Variants in SMIM22 observed in about 807,000 individuals in gnomAD.
SMIM22 encodes the protein small integral membrane protein 22, also known as cancer associated small integral membrane open reading frame 1.
Under a neutral mutation model 8.4 loss-of-function variants are expected in SMIM22, and 16 were observed. The ratio of observed to expected loss-of-function variants is 1.90; its 90% CI spans 1.29 to 2.89. SMIM22 has a LOEUF of 2.89. SMIM22 is among the 30% of genes most tolerant of loss of function. SMIM22 has a pLI of 0.00. For synonymous variants in SMIM22, 67 were observed against 47.6 expected (o/e 1.41, Z -1.68); for missense variants, 159 against 107.5 (o/e 1.48, Z -2.12).
chr16:4,792,495 T>C (rs1273442178), upstream of SMIM22, among the ~76,000 whole-genome samples: 3 of 143,540 alleles, frequency 2.1e-5, no homozygotes, highest in Admixed American at 6.9e-5. Flanking sequence ...TAGCCTCCCC[T>C]GCACTTTTTA....
chr16:4,790,263 T>A (rs1204749334), intron 2 of SMIM22, among the ~76,000 whole-genome samples: 1 of 152,186 alleles, frequency 6.6e-6, no homozygotes. Flanking sequence ...AGTTCTCTGT[T>A]GCAACTACTA....
upstream of SMIM22, among the ~76,000 whole-genome samples, chr16:4,790,580 C>T (rs114682935): frequency 1.4e-4 from 21 of 152,198 alleles, no homozygotes; most frequent in African/African-American, 4.3e-4. Context: ...ACTTGAGGTC[C>T]GGTTTGAGAC....
At chr16:4,796,160 C>T (rs986743984) in intron 3 of SMIM22, 30 bp from the exon 4 acceptor site, 1 of 1,535,864 alleles carries the variant, frequency 6.5e-7, no homozygotes, top group Non-Finnish European at 8.7e-7. Context: ...ACGAGCGAAC[C>T]TGCTTGGTCC....
chr16:4,796,384 C>G lies in SMIM22; in HGVS notation c.*153C>G, dbSNP rs571945301. ...GGCCTCTCCAAGCCTTCAGTCAGCA[C>G]GACTGTGCCAGGTCATCCTCAGTCA... On this transcript the variant is annotated 3_prime_UTR_variant, in exon 4 of 4. Transcript: ENST00000586005. 4.6e-6 allele frequency: 4 copies of G among 861,716 alleles called. No individual in the cohort carries two copies. In the East Asian group the frequency reaches 8.0e-5, roughly 17 times the overall value. 53.4% of individuals were successfully genotyped at this position (861,716 alleles called of 1,614,324 possible). A position where few individuals can be genotyped will look rare whatever the true frequency, so the allele number is the denominator to read the frequency against.
chr16:4,796,233 C>A lies in SMIM22; in HGVS notation c.*2C>A. Reference sequence around the variant, plus strand: ...GATAACTTGGCCCTGGAACCCTGACCCTGTGTCTCCTGCCCGGTGGCAGTA... The same window carrying A: ...GATAACTTGGCCCTGGAACCCTGACACTGTGTCTCCTGCCCGGTGGCAGTA... On this transcript the variant is annotated 3_prime_UTR_variant, in exon 4 of 4. Coordinates refer to ENST00000586005, the MANE Select transcript of SMIM22 (RefSeq NM_001253794.2). 5 of 1,535,712 alleles carry A rather than the reference C, an allele frequency of 3.3e-6. No homozygotes were observed. The highest frequency in any genetic ancestry group is 4.4e-6 in the Non-Finnish European group (5 of 1,146,774).
chr16:4,792,827 A>C (rs1162067428), upstream of SMIM22, among the ~76,000 whole-genome samples: 6 of 148,548 alleles, frequency 4.0e-5, no homozygotes, highest in Admixed American at 4.0e-4. Context: ...AAAAAAAAAA[A>C]GGCCAAGCAT....
chr16:4,790,232 T>A (rs1448450601), intron 2 of SMIM22, among the ~76,000 whole-genome samples: 1 of 152,146 alleles, frequency 6.6e-6, no homozygotes, highest in Non-Finnish European at 1.5e-5. Context: ...ATGGTCCCTA[T>A]TTTAGGCTTT....
chr16:4,791,898 G>T (rs188364278), upstream of SMIM22, among the ~76,000 whole-genome samples: 412 of 152,172 alleles, frequency 2.7e-3, 1 homozygote, highest in African/African-American at 9.4e-3. Context: ...TGTTGGCCAG[G>T]ATGGTCTCGA....
chr16:4,795,698 C>G lies in SMIM22; in HGVS notation c.-20-17C>G. The stretch of plus-strand genomic sequence containing the variant: ...TGAGCCCAGGATCCTGATGCAGCCT[C>G]TGGGGGACCGGGGCAGGTGGCACGG... On this transcript the variant is annotated splice_polypyrimidine_tract_variant and intron_variant, in intron 1 of 3. Coordinates refer to ENST00000586005, the MANE Select transcript of SMIM22 (RefSeq NM_001253794.2). 6.5e-7 allele frequency: 1 copy of G among 1,532,574 alleles called. No homozygotes were observed. Among genetic ancestry groups the G allele is most frequent in the Non-Finnish European group, 8.7e-7 (1 of 1,145,536 alleles). 94.9% of individuals were successfully genotyped at this position (1,532,574 alleles called of 1,614,324 possible). A position where few individuals can be genotyped will look rare whatever the true frequency, so the allele number is the denominator to read the frequency against.
upstream of SMIM22, among the ~76,000 whole-genome samples, chr16:4,792,156 C>A (rs752616086): frequency 1.6e-4 from 24 of 152,014 alleles, no homozygotes; most frequent in Non-Finnish European, 3.2e-4. Flanking sequence ...CCCAGCCAGG[C>A]CAAGAGCTGG....
At chr16:4,789,612 C>T (rs575613472) in intron 2 of SMIM22, among the ~76,000 whole-genome samples, 14 of 152,182 alleles carry the variant, frequency 9.2e-5, no homozygotes, top group Non-Finnish European at 1.9e-4. Flanking sequence ...AGGCGTTAGC[C>T]CCTGCGCCCA....
At chr16:4,788,455 C>G (rs2082496069), upstream of SMIM22, 1 of 152,334 alleles carries the variant, frequency 6.6e-6, no homozygotes, top group Non-Finnish European at 1.5e-5. Flanking sequence ...AGCTGTTACC[C>G]TTCTAATCCC....
intron 1 of SMIM22, 41 bp downstream of exon 1, chr16:4,795,490 G>C: frequency 3.6e-6 from 2 of 558,674 alleles, no homozygotes; most frequent in East Asian, 3.3e-5. Context: ...GGGGGAGAGA[G>C]AGGGGAGATG....
At chr16:4,791,010 T>C (rs1157304415), upstream of SMIM22, among the ~76,000 whole-genome samples, 3 of 152,170 alleles carry the variant, frequency 2.0e-5, no homozygotes, top group African/African-American at 7.2e-5. Context: ...GGTTAGTGGA[T>C]GAACAAATGG....
rs1029983830 is a variant in SMIM22, at chr16:4,795,976, C to T, written c.153C>T (p.Val51=). The change falls in exon 3 of 4, where the codon GTC becomes GTT. Residue 51 remains valine (V), a synonymous_variant. Coordinates refer to ENST00000586005, the MANE Select transcript of SMIM22 (RefSeq NM_001253794.2). ...MGTVLLLLLL[V]VAHCCCCSSP... is the part of the protein sequence containing the mutation. Reference sequence around the variant, plus strand: ...CCGTGCTGCTCCTGCTGCTGCTGGTCGTCGCCCACTGCTGCTGCTGCAGCT... The same window carrying T: ...CCGTGCTGCTCCTGCTGCTGCTGGTTGTCGCCCACTGCTGCTGCTGCAGCT... The T allele has an allele frequency of 4.8e-5, 72 of 1,505,192 alleles. 1 individual carries two copies. Among genetic ancestry groups the T allele is most frequent in the Middle Eastern group, 1.7e-4 (1 of 5,840 alleles). 93.2% of individuals were successfully genotyped at this position (1,505,192 alleles called of 1,614,324 possible).
chr16:4,795,126 C>G (rs368020653), upstream of SMIM22: 133 of 141,994 alleles, frequency 9.4e-4, no homozygotes, highest in African/African-American at 3.3e-3. Flanking sequence ...TCTCTCCCAT[C>G]TCTCTCTCTT....
At chr16:4,794,549 T>C (rs1342535505), upstream of SMIM22, among the ~76,000 whole-genome samples, 3 of 152,116 alleles carry the variant, frequency 2.0e-5, no homozygotes, top group Non-Finnish European at 2.9e-5. Flanking sequence ...GCCTCCCTAG[T>C]AGCTGGGATT....
At chr16:4,791,615 C>T (rs551298572), upstream of SMIM22, among the ~76,000 whole-genome samples, 8 of 152,266 alleles carry the variant, frequency 5.3e-5, no homozygotes, top group African/African-American at 1.9e-4. Context: ...TCTGACTCAC[C>T]GGAACCACTC....
intron 2 of SMIM22, 45 bp downstream of exon 2, chr16:4,795,903 G>T: frequency 6.5e-7 from 1 of 1,531,188 alleles, no homozygotes; most frequent in Non-Finnish European, 8.7e-7. Flanking sequence ...CCCCTGCCCT[G>T]GGCTCCAGGT....
Sources: allele counts gnomAD v4.1 joint callset (sites outside exome capture counted in the v4.1 genomes callset), GRCh38; gene constraint gnomAD v4.1.1; transcripts MANE v1.5; gene names NCBI Gene and HGNC (gene_info 2026-07-23, HGNC 2026-07-21).